Variants in DIAPH3 observed in about 807,000 individuals in gnomAD.
The protein encoded by DIAPH3 is diaphanous related formin 3, also known as protein diaphanous homolog 3.
DIAPH3 carries 117 observed loss-of-function variants against 144.3 expected under a neutral mutation model. The ratio of observed to expected loss-of-function variants is 0.81; its 90% CI spans 0.70 to 0.95. DIAPH3 has a LOEUF of 0.95. DIAPH3 is among the 40% of genes least tolerant of loss of function. The pLI, the probability that DIAPH3 is intolerant of heterozygous loss-of-function variation, is 0.00. For missense variants in DIAPH3, 1,421 were observed against 1,412.7 expected, an observed-to-expected ratio of 1.01 and a Z score of -0.09; for synonymous variants, 519 against 488.9, an observed-to-expected ratio of 1.06 and a Z score of -0.81.
At chr13:59,912,491 C>G (rs535668678) in intron 19 of DIAPH3, among the ~76,000 whole-genome samples, 8 of 152,106 alleles carry the variant, frequency 5.3e-5, no homozygotes, top group Admixed American at 2.0e-4. Flanking sequence ...AAGTAAGCCA[C>G]ACACTTAAAC....
intron 27 of DIAPH3, among the ~76,000 whole-genome samples, chr13:59,720,423 ATTT>A (rs997841615): frequency 2.8e-4 from 42 of 152,268 alleles, no homozygotes; most frequent in African/African-American, 8.4e-4. Context: ...TTAAATGAAA[ATTT>A]TTTTATTTTG....
At chr13:60,021,231 T>C (rs423581) in intron 5 of DIAPH3, among the ~76,000 whole-genome samples, 3,561 of 152,306 alleles carry the variant, frequency 0.023, 137 homozygotes, top group African/African-American at 0.082. Flanking sequence ...GATTTTAAGA[T>C]AGGAAAATTA....
At chr13:59,840,475 A>G (rs1189561370) in intron 22 of DIAPH3, among the ~76,000 whole-genome samples, 1 of 150,762 alleles carries the variant, frequency 6.6e-6, no homozygotes, top group South Asian at 2.1e-4. Flanking sequence ...TTTTTTTTTT[A>G]ATTTTAGCTT....
At chr13:59,705,145 C>CA (rs1368086143) in intron 27 of DIAPH3, among the ~76,000 whole-genome samples, 2 of 151,114 alleles carry the variant, frequency 1.3e-5, no homozygotes, top group South Asian at 4.2e-4. Flanking sequence ...GATTTGCATT[C>CA]AAAAATGATT....
At chr13:60,119,489 T>TTTA (rs1224895132) in intron 2 of DIAPH3, among the ~76,000 whole-genome samples, 2 of 152,044 alleles carry the variant, frequency 1.3e-5, no homozygotes, top group Non-Finnish European at 2.9e-5. Context: ...GGCTCACGCC[T>TTTA]GTAATCCCAG....
intron 27 of DIAPH3, among the ~76,000 whole-genome samples, chr13:59,715,658 CAT>C (rs1385962470): frequency 6.6e-6 from 1 of 151,826 alleles, no homozygotes; most frequent in Non-Finnish European, 1.5e-5. Context: ...AGGAAATTTC[CAT>C]AGTTTGTCCC....
intron 2 of DIAPH3, among the ~76,000 whole-genome samples, chr13:60,115,342 T>G (rs2138094247): frequency 6.6e-6 from 1 of 152,314 alleles, no homozygotes; most frequent in East Asian, 1.9e-4. Flanking sequence ...GTTTACGGTA[T>G]TGCACTAAAC....
Position 60,028,926 on chromosome 13 carries a change from GCA to G in DIAPH3, c.627-12783_627-12782del, listed in dbSNP as rs1220523687. Among the ~76,000 whole-genome samples the G allele has an allele frequency of 1.1e-4, 17 of 152,062 alleles. No individual in the cohort carries two copies. In the East Asian group the frequency reaches 3.1e-3, roughly 28 times the overall value. ...ATACAAAAATTAGCCAGGTGTGGTGGCATGCGCCTGTAGTCCCAGCTACTCAG... is the reference window on the plus strand; with the variant it reads ...ATACAAAAATTAGCCAGGTGTGGTGGTGCGCCTGTAGTCCCAGCTACTCAG... On this transcript the variant is annotated intron_variant, in intron 5 of 27. Coordinates refer to ENST00000400324, the MANE Select transcript of DIAPH3 (RefSeq NM_001042517.2).
intron 1 of DIAPH3, among the ~76,000 whole-genome samples, chr13:60,149,126 A>T (rs368172228): frequency 5.3e-5 from 8 of 152,218 alleles, no homozygotes; most frequent in Non-Finnish European, 1.2e-4. Flanking sequence ...TTTCTTTCAC[A>T]ATGGTAAACA....
At position 59,691,204 on chromosome 13, in the gene DIAPH3, TTCTTA is replaced by T. The variant is rs759899968; in HGVS notation, c.3320-24363_3320-24359del. On this transcript the variant is annotated intron_variant, in intron 27 of 27. Transcript: ENST00000400324. Reference sequence around the variant, plus strand: ...TTTAGTCATTAAAAATTTAAGTAATTTCTTATCTTATCTTTTTGGATTTTCCAAAG... The same window carrying T: ...TTTAGTCATTAAAAATTTAAGTAATTTCTTATCTTTTTGGATTTTCCAAAG... Among the ~76,000 whole-genome samples the T allele has an allele frequency of 5.3e-5, 8 of 152,256 alleles. No individual in the cohort carries two copies. In the South Asian group the frequency reaches 6.2e-4, roughly 12 times the overall value.
chr13:59,969,893 A>G (rs745416644), intron 17 of DIAPH3, 51 bp downstream of exon 17: 1 of 1,164,370 alleles, frequency 8.6e-7, no homozygotes, highest in Non-Finnish European at 1.2e-6. Flanking sequence ...TAAAAAGTAT[A>G]TGTTAAAATT....
chr13:59,793,217 C>G (rs139163177), intron 25 of DIAPH3, among the ~76,000 whole-genome samples: 11 of 152,324 alleles, frequency 7.2e-5, no homozygotes, highest in African/African-American at 2.2e-4. Context: ...ACAATTTCCT[C>G]TACCTGTGCT....
chr13:60,034,561 GTTTCTGACCTGGGCCAGTT>G (rs2055054808), intron 5 of DIAPH3: 1 of 152,206 alleles, frequency 6.6e-6, no homozygotes, highest in South Asian at 2.1e-4. Flanking sequence ...AATCTACTCT[GTTTCTGACCTGGGCCAGTT>G]CACCTCTCCT....
intron 2 of DIAPH3, among the ~76,000 whole-genome samples, chr13:60,116,883 T>C (rs1215358312): frequency 1.3e-5 from 2 of 152,080 alleles, no homozygotes; most frequent in Non-Finnish European, 2.9e-5. Context: ...GAGCCTTTTC[T>C]ATATGTCAAG....
intron 2 of DIAPH3, among the ~76,000 whole-genome samples, chr13:60,128,495 A>G (rs898607936): frequency 1.3e-5 from 2 of 152,156 alleles, no homozygotes; most frequent in African/African-American, 4.8e-5. Context: ...ACTAAATTAT[A>G]AATGCACGGT....
chr13:59,884,536 G>T (rs1307700313), intron 20 of DIAPH3, among the ~76,000 whole-genome samples: 17 of 152,056 alleles, frequency 1.1e-4, no homozygotes. Flanking sequence ...TTCTCTATGG[G>T]AGAGGTATGA....
chr13:59,993,273 T>C (rs904481333), intron 9 of DIAPH3, among the ~76,000 whole-genome samples: 5 of 151,848 alleles, frequency 3.3e-5, no homozygotes, highest in African/African-American at 4.8e-5. Context: ...TTTCAACTTC[T>C]CCACTTTTTT....
Position 59,666,776 on chromosome 13 carries a change from A to T in DIAPH3, c.3390T>A (p.Thr1130=). Residue 1130 remains threonine, a synonymous_variant, in exon 28 of 28, where the codon ACT becomes ACA. Transcript: ENST00000400324. ...TATAATTAAGCTCCTTGGCGACTGG[A>T]GTCCTTGTTGAGTTGCAATTGATAT... is the stretch of plus-strand genomic sequence containing the variant. ...HYNINCNSTR[T]PVAKELNYNL... is the part of the protein sequence containing the mutation. The T allele has an allele frequency of 6.2e-7, 1 of 1,614,136 alleles. No individual in the cohort carries two copies.
chr13:59,970,092 G>T, intron 16 of DIAPH3, 34 bp from the exon 17 acceptor site: 1 of 1,322,380 alleles, frequency 7.6e-7, no homozygotes, highest in Non-Finnish European at 1.1e-6. Context: ...TCATCAATAG[G>T]TGAGTGTTTC....
Sources: gnomAD v4.1 joint callset for allele counts (sites outside exome capture counted in the v4.1 genomes callset) on GRCh38, gnomAD v4.1.1 for gene constraint, MANE v1.5 for transcripts, NCBI Gene and HGNC (gene_info 2026-07-23, HGNC 2026-07-21) for gene names.